The following HMGB3 variants were observed in gnomAD, a reference collection of about 807,000 sequenced individuals.
HMGB3 encodes the protein high mobility group protein B3.
HMGB3 carries 1 observed loss-of-function variant against 12.9 expected under a neutral mutation model. The ratio of observed to expected loss-of-function variants is 0.08; its 90% CI spans 0.03 to 0.37. HMGB3 has a LOEUF of 0.37. Ranked by LOEUF, HMGB3 falls within the 10% of genes least tolerant of loss-of-function variation. The pLI, the probability that HMGB3 is intolerant of heterozygous loss-of-function variation, is 0.99. For synonymous variants in HMGB3, 61 were observed against 53.9 expected, an observed-to-expected ratio of 1.13 and a Z score of -0.57; for missense variants, 74 against 153.3, an observed-to-expected ratio of 0.48 and a Z score of 2.73.
At position 150,987,963 on chromosome X, in the gene HMGB3, C is replaced by T. The variant is rs782260214; in HGVS notation, c.*49C>T. ...GTGAATACTTAGAGTAGGGGAGCGC[C>T]GTAATTGACACATCTCTTATTTGAG... On this transcript the variant is annotated 3_prime_UTR_variant, in exon 5 of 5. Transcript: ENST00000325307. 1.7e-5 allele frequency: 20 copies of T among 1,145,176 alleles called. No individual in the cohort carries two copies. The highest frequency in any genetic ancestry group is 3.4e-4 in the Middle Eastern group (1 of 2,942). The allele number at this position is 1,145,176 out of a possible 1,213,427, so 94.4% of individuals were successfully genotyped here.
At chrX:150,982,889 G>A (rs1434853488), upstream of HMGB3, among the ~76,000 whole-genome samples, 4 of 113,263 alleles carry the variant, frequency 3.5e-5, no homozygotes, top group East Asian at 2.8e-4. Flanking sequence ...CTTCGTGGTG[G>A]GCCCAGGGGT....
intron 1 of HMGB3, chrX:150,983,623 C>T (rs1488684453): frequency 4.0e-6 from 3 of 747,018 alleles, no homozygotes; most frequent in African/African-American, 4.6e-5. Flanking sequence ...GTTCCCCGAG[C>T]TCCCCGCTTT....
At chrX:150,985,807 A>G in intron 2 of HMGB3, 58 bp downstream of exon 2, 1 of 1,023,386 alleles carries the variant, frequency 9.8e-7, no homozygotes, top group Non-Finnish European at 1.3e-6. Context: ...CTTTGGGGTT[A>G]CTTACCTTCA....
chrX:150,983,296 C>T, upstream of HMGB3: 1 of 755,533 alleles, frequency 1.3e-6, no homozygotes, highest in Non-Finnish European at 1.6e-6. Flanking sequence ...AGGCGGCTCT[C>T]GTGGAGGCAG....
intron 1 of HMGB3, among the ~76,000 whole-genome samples, chrX:150,985,148 A>G (rs1557425203): frequency 9.0e-6 from 1 of 111,595 alleles, no homozygotes; most frequent in Non-Finnish European, 1.9e-5. Flanking sequence ...AGCAGTGGTA[A>G]GAGTTGTTGT....
At chrX:150,983,256 G>GT (rs1329503346), upstream of HMGB3, 1 of 749,853 alleles carries the variant, frequency 1.3e-6, no homozygotes, top group Non-Finnish European at 1.6e-6. Flanking sequence ...CGAGGAGGCT[G>GT]TTTTAAACGG....
Position 150,989,157 on chromosome X carries a change from CTTA to C in HMGB3, c.*1246_*1248del, listed in dbSNP as rs1557425335. The C allele has an allele frequency of 9.0e-6, 1 of 111,433 alleles. No individual in the cohort carries two copies. The highest frequency in any genetic ancestry group is 1.9e-5 in the Non-Finnish European group (1 of 53,089). The allele number at this position is 111,433 out of a possible 1,213,427, so 9.2% of individuals were successfully genotyped here. A position where few individuals can be genotyped will look rare whatever the true frequency, so the allele number is the denominator to read the frequency against. On this transcript the variant is annotated 3_prime_UTR_variant, in exon 5 of 5. Coordinates refer to ENST00000325307, the MANE Select transcript of HMGB3 (RefSeq NM_005342.4). Reference sequence around the variant, plus strand: ...TGTATGGTGTGTCAAAAATTAAGGCCTTATTGTTTTTCTCTTTCACCCCTACCC... The same window carrying C: ...TGTATGGTGTGTCAAAAATTAAGGCCTTGTTTTTCTCTTTCACCCCTACCC...
chrX:150,988,458 C>A lies in HMGB3; in HGVS notation c.*544C>A, dbSNP rs782025406. On this transcript the variant is annotated 3_prime_UTR_variant, in exon 5 of 5. Transcript: ENST00000325307. ...GACCTGTTGACTCTGCAGGGGGCAT[C>A]CATTTAGCTTCAGGTTGTCTTGTTT... 8.9e-6 allele frequency: 1 copy of A among 112,072 alleles called. No individual in the cohort carries two copies. Among genetic ancestry groups the A allele is most frequent in the Non-Finnish European group, 1.9e-5 (1 of 53,324 alleles). 9.2% of individuals were successfully genotyped at this position (112,072 alleles called of 1,213,427 possible). A position where few individuals can be genotyped will look rare whatever the true frequency, so the allele number is the denominator to read the frequency against.
rs1249959418 is a variant in HMGB3 at position 150,989,721 on chromosome X, G to A, written c.*1807G>A. 1.8e-5 allele frequency: 2 copies of A among 111,792 alleles called. No homozygotes were observed. The highest frequency in any genetic ancestry group is 5.6e-4 in the East Asian group (2 of 3,566). The allele number at this position is 111,792 out of a possible 1,213,427, so 9.2% of individuals were successfully genotyped here. ...GCTATTGCCCAGCATTAATATTTGG[G>A]TGTGTATGTTTGAGGCTATGAAACA... On this transcript the variant is annotated 3_prime_UTR_variant, in exon 5 of 5. Transcript: ENST00000325307.
intron 1 of HMGB3, among the ~76,000 whole-genome samples, chrX:150,983,747 C>T (rs1290844639): frequency 9.3e-6 from 1 of 108,052 alleles, no homozygotes; most frequent in Non-Finnish European, 1.9e-5. Flanking sequence ...GGCGGCTGGG[C>T]GAGCAGAGGG....
rs945957968 is a variant in HMGB3, at chrX:150,990,290, G to A, written c.*2376G>A. ...CTTCCAAAGTAGCTAAGCAGAAGTGGGGGAGCAGTTTAGCCAGATGATCTT... is the reference window on the plus strand; with the variant it reads ...CTTCCAAAGTAGCTAAGCAGAAGTGAGGGAGCAGTTTAGCCAGATGATCTT... On this transcript the variant is annotated 3_prime_UTR_variant, in exon 5 of 5. Transcript: ENST00000325307. The A allele has an allele frequency of 8.9e-6, 1 of 112,224 alleles. No homozygotes were observed. Among genetic ancestry groups the A allele is most frequent in the Non-Finnish European group, 1.9e-5 (1 of 53,287 alleles). 9.2% of individuals were successfully genotyped at this position (112,224 alleles called of 1,213,427 possible).
intron 2 of HMGB3, 34 bp downstream of exon 2, chrX:150,985,783 A>C (rs782783848): frequency 8.7e-7 from 1 of 1,148,789 alleles, no homozygotes. Flanking sequence ...AACTAGTCTT[A>C]GTTGGGTTTC....
Position 150,986,053 on chromosome X carries a change from G to A in HMGB3, c.153G>A (p.Thr51=). 8.3e-7 allele frequency: 1 copy of A among 1,206,191 alleles called. No individual in the cohort carries two copies. Among genetic ancestry groups the A allele is most frequent in the Non-Finnish European group, 1.1e-6 (1 of 893,426 alleles). Residue 51 remains threonine, a splice_region_variant and synonymous_variant, in exon 3 of 5, where the codon ACG becomes ACA. Coordinates refer to ENST00000325307, the MANE Select transcript of HMGB3 (RefSeq NM_005342.4). ...TTAACGAGTCCTGTTCTTTGCAGAC[G>A]ATGTCCGGGAAAGAGAAATCTAAAT... ...FSKKCSERWK[T]MSGKEKSKFD...
intron 1 of HMGB3, among the ~76,000 whole-genome samples, chrX:150,985,279 C>T (rs1239760849): frequency 8.9e-6 from 1 of 111,989 alleles, no homozygotes; most frequent in African/African-American, 3.2e-5. Flanking sequence ...TTGTAGTTTC[C>T]AAAACATAGC....
chrX:150,980,617 C>T (rs941946607), upstream of HMGB3: 11 of 749,259 alleles, frequency 1.5e-5, no homozygotes, highest in Middle Eastern at 7.6e-4. Flanking sequence ...ACTTCCTGCG[C>T]GTAAGCGCAA....
At chrX:150,987,680 T>G in intron 4 of HMGB3, 97 bp from the exon 5 acceptor site, 1 of 652,323 alleles carries the variant, frequency 1.5e-6, no homozygotes, top group Non-Finnish European at 2.4e-6. Context: ...TTACTTGATT[T>G]CAATTCCTGT....
At position 150,983,513 on chromosome X, in the gene HMGB3, C is replaced by T. The variant is rs1354996488; in HGVS notation, c.-6+137C>T. ...GAGCGCGCCCTGCCGCCGCCTCCCC[C>T]TGCCTCTACTCCCCATTCCCTTCCC... On this transcript the variant is annotated intron_variant, in intron 1 of 4. Transcript: ENST00000325307. The T allele has an allele frequency of 2.6e-4, 192 of 727,905 alleles. No homozygotes were observed. In the African/African-American group the frequency reaches 4.3e-3, roughly 16 times the overall value. 60.0% of individuals were successfully genotyped at this position (727,905 alleles called of 1,213,427 possible).
In HMGB3 at chrX:150,983,559, T is replaced by C. The variant is rs1171741611; in HGVS notation, c.-6+183T>C. The C allele has an allele frequency of 1.6e-5, 12 of 746,388 alleles. No homozygotes were observed. In the African/African-American group the frequency reaches 2.6e-4, roughly 16 times the overall value. The allele number at this position is 746,388 out of a possible 1,213,427, so 61.5% of individuals were successfully genotyped here. A position where few individuals can be genotyped will look rare whatever the true frequency, so the allele number is the denominator to read the frequency against. ...TTCCCGCCCCCTCCGCCTTCCCTCC[T>C]GCTAGGCGGCCGGGAAGGAAGAAGC... is the stretch of plus-strand genomic sequence containing the variant. On this transcript the variant is annotated intron_variant, in intron 1 of 4. Transcript: ENST00000325307.
chrX:150,988,759 C>A lies in HMGB3; in HGVS notation c.*845C>A, dbSNP rs1473424246. On this transcript the variant is annotated 3_prime_UTR_variant, in exon 5 of 5. Transcript: ENST00000325307. Reference sequence around the variant, plus strand: ...TTTTGAAGTTAAATAAACAGTATTACATTTTTAAAACTCTTCTCTATTATA... The same window carrying A: ...TTTTGAAGTTAAATAAACAGTATTAAATTTTTAAAACTCTTCTCTATTATA... 8.9e-6 allele frequency: 1 copy of A among 112,171 alleles called. No individual in the cohort carries two copies. Among genetic ancestry groups the A allele is most frequent in the East Asian group, 2.8e-4 (1 of 3,587 alleles). The allele number at this position is 112,171 out of a possible 1,213,427, so 9.2% of individuals were successfully genotyped here. A position where few individuals can be genotyped will look rare whatever the true frequency, so the allele number is the denominator to read the frequency against.
Sources: gnomAD v4.1 joint callset for allele counts (sites outside exome capture counted in the v4.1 genomes callset) on GRCh38, gnomAD v4.1.1 for gene constraint, MANE v1.5 for transcripts, NCBI Gene and HGNC (gene_info 2026-07-23, HGNC 2026-07-21) for gene names.